Variants in GRAMD1B observed in about 807,000 individuals in gnomAD.
The protein encoded by GRAMD1B is GRAM domain containing 1B, also known as protein Aster-B.
GRAMD1B carries 37 observed loss-of-function variants against 99.7 expected under a neutral mutation model. That is an observed-to-expected ratio of 0.37 (90% CI 0.29 to 0.49). The LOEUF is 0.49. Among genes scored for constraint, GRAMD1B ranks in the 20% least tolerant of loss-of-function variants. GRAMD1B has a pLI of 0.98. For missense variants in GRAMD1B, 888 were observed against 1,009.2 expected (o/e 0.88, Z 1.63); for synonymous variants, 427 against 387.6 (o/e 1.10, Z -1.19).
At chr11:123,560,599 A>AT (rs1946634645) in intron 2 of GRAMD1B, 1 of 541,054 alleles carries the variant, frequency 1.8e-6, no homozygotes, top group South Asian at 1.5e-5. Flanking sequence ...GCATGAATGA[A>AT]TGAGTTCCTC....
chr11:123,614,284 C>T (rs1386453535), intron 16 of GRAMD1B, among the ~76,000 whole-genome samples: 1 of 152,186 alleles, frequency 6.6e-6, no homozygotes, highest in Admixed American at 6.5e-5. Flanking sequence ...CCTAGCTTTA[C>T]CCCTAGCACT....
At chr11:123,438,276 G>C (rs11823991) in intron 1 of GRAMD1B, among the ~76,000 whole-genome samples, 2,363 of 152,280 alleles carry the variant, frequency 0.016, 73 homozygotes, top group African/African-American at 0.053. Context: ...CAGAAGCAAG[G>C]CTGGGATTTG....
chr11:123,552,641 AGG>A (rs914160936), intron 2 of GRAMD1B, among the ~76,000 whole-genome samples: 1 of 152,210 alleles, frequency 6.6e-6, no homozygotes, highest in Admixed American at 6.5e-5. Flanking sequence ...ATCAAAGGAA[AGG>A]TAACATGGGA....
chr11:123,365,089 A>T (rs1445802230), intron 1 of GRAMD1B, among the ~76,000 whole-genome samples: 1 of 152,176 alleles, frequency 6.6e-6, no homozygotes, highest in Non-Finnish European at 1.5e-5. Context: ...TATTTTGCAT[A>T]AGGAATTATT....
intron 1 of GRAMD1B, among the ~76,000 whole-genome samples, chr11:123,368,684 A>AC (rs1946412317): frequency 6.8e-6 from 1 of 147,072 alleles, no homozygotes; most frequent in Middle Eastern, 3.2e-3. Context: ...TGTCTCAAAA[A>AC]AAAAAAAAAA....
At chr11:123,575,176 C>G (rs1948587474) in intron 2 of GRAMD1B, among the ~76,000 whole-genome samples, 1 of 152,072 alleles carries the variant, frequency 6.6e-6, no homozygotes, top group East Asian at 1.9e-4. Flanking sequence ...GTCAGTTCTC[C>G]TCTGGTTAGA....
chr11:123,555,192 G>C lies in GRAMD1B; in HGVS notation c.453-22175G>C, dbSNP rs780538246. 3.3e-5 allele frequency among the ~76,000 whole-genome samples: 5 copies of C among 152,330 alleles called. No homozygotes were observed. In the South Asian group the frequency reaches 6.2e-4, roughly 19 times the overall value. ...CAGGGAAAAGAAGGGTGGATTTGCA[G>C]CTGAGGGGCAATACATGGATACGTA... is the stretch of plus-strand genomic sequence containing the variant. On this transcript the variant is annotated intron_variant, in intron 2 of 19. Coordinates refer to ENST00000635736, the MANE Select transcript of GRAMD1B (RefSeq NM_001387025.1).
chr11:123,497,300 G>C (rs1337188648), intron 2 of GRAMD1B, among the ~76,000 whole-genome samples: 2 of 152,126 alleles, frequency 1.3e-5, no homozygotes, highest in African/African-American at 2.4e-5. Context: ...TAGCCTCCTG[G>C]AACTGAGAGT....
At chr11:123,616,188 G>A (rs1239952553) in intron 17 of GRAMD1B, among the ~76,000 whole-genome samples, 3 of 152,158 alleles carry the variant, frequency 2.0e-5, no homozygotes, top group Non-Finnish European at 4.4e-5. Flanking sequence ...CAGGCATGGT[G>A]GCAGGTGCCT....
At chr11:123,435,626 A>G in intron 1 of GRAMD1B, 1 of 558,458 alleles carries the variant, frequency 1.8e-6, no homozygotes, top group Non-Finnish European at 3.2e-6. Context: ...ACAGCACTGT[A>G]CCTGACCTCT....
Position 123,430,516 on chromosome 11 carries a change from G to C in GRAMD1B, c.-277G>C, listed in dbSNP as rs185104898. On this transcript the variant is annotated 5_prime_UTR_variant, in exon 1 of 20. Coordinates refer to ENST00000635736, the MANE Select transcript of GRAMD1B (RefSeq NM_001387025.1). ...CGAGGGGAGCCCCAGGAGGGCTGCCGAGTGGCTGGCAGGCGGCTCCCGCCC... is the reference window on the plus strand; with the variant it reads ...CGAGGGGAGCCCCAGGAGGGCTGCCCAGTGGCTGGCAGGCGGCTCCCGCCC... 2.1e-5 allele frequency: 9 copies of C among 431,752 alleles called. No individual in the cohort carries two copies. Among genetic ancestry groups the C allele is most frequent in the Non-Finnish European group, 3.3e-5 (8 of 244,746 alleles). The allele number at this position is 431,752 out of a possible 1,614,324, so 26.7% of individuals were successfully genotyped here.
chr11:123,608,818 AC>A lies in GRAMD1B; in HGVS notation c.1657+17del. On this transcript the variant is annotated intron_variant, in intron 12 of 19. Coordinates refer to ENST00000635736, the MANE Select transcript of GRAMD1B (RefSeq NM_001387025.1). ...CGCTTCTCTGGTCCGTTCTGCTGGGACTGTACCCCCCATTCCTCCCTCTTCA... is the reference window on the plus strand; with the variant it reads ...CGCTTCTCTGGTCCGTTCTGCTGGGATGTACCCCCCATTCCTCCCTCTTCA... 6.8e-7 allele frequency: 1 copy of A among 1,475,112 alleles called. No homozygotes were observed. Among genetic ancestry groups the A allele is most frequent in the Non-Finnish European group, 9.2e-7 (1 of 1,083,356 alleles). 91.4% of individuals were successfully genotyped at this position (1,475,112 alleles called of 1,614,324 possible). A position where few individuals can be genotyped will look rare whatever the true frequency, so the allele number is the denominator to read the frequency against.
intron 2 of GRAMD1B, among the ~76,000 whole-genome samples, chr11:123,574,424 G>T (rs952278819): frequency 6.6e-6 from 1 of 152,176 alleles, no homozygotes; most frequent in African/African-American, 2.4e-5. Flanking sequence ...AAGAGGAAAA[G>T]GAGGCAGAGA....
chr11:123,450,452 T>C (rs536536300), intron 1 of GRAMD1B, among the ~76,000 whole-genome samples: 281 of 152,298 alleles, frequency 1.8e-3, no homozygotes, highest in Non-Finnish European at 3.5e-3. Flanking sequence ...GGAATAATAG[T>C]GAACAAAATA....
chr11:123,404,489 T>C (rs1947785509), intron 1 of GRAMD1B, among the ~76,000 whole-genome samples: 1 of 152,264 alleles, frequency 6.6e-6, no homozygotes, highest in Non-Finnish European at 1.5e-5. Flanking sequence ...TGAAGGTAAC[T>C]GATCAATTGT....
chr11:123,619,477 G>A, intron 19 of GRAMD1B: 1 of 1,280,296 alleles, frequency 7.8e-7, no homozygotes, highest in Non-Finnish European at 1.0e-6. Flanking sequence ...TGTAGTTTAG[G>A]TGGAAGGAGA....
chr11:123,621,506 A>G (rs1013624117), intron 19 of GRAMD1B, among the ~76,000 whole-genome samples: 1 of 152,244 alleles, frequency 6.6e-6, no homozygotes, highest in African/African-American at 2.4e-5. Context: ...GAAACCAAGC[A>G]ACGAAAGATG....
At chr11:123,603,269 C>T (rs1216930782) in intron 8 of GRAMD1B, among the ~76,000 whole-genome samples, 157 bp from the exon 9 acceptor site, 1 of 152,206 alleles carries the variant, frequency 6.6e-6, no homozygotes, top group Non-Finnish European at 1.5e-5. Flanking sequence ...CCTGCTGAGA[C>T]CCCCAAGGCA....
chr11:123,619,276 C>G, intron 19 of GRAMD1B, 52 bp downstream of exon 19: 1 of 1,545,736 alleles, frequency 6.5e-7, no homozygotes, highest in Non-Finnish European at 8.7e-7. Context: ...GCGGGGACTC[C>G]TTCCCTTATG....
Sources: gnomAD v4.1 joint callset for allele counts (sites outside exome capture counted in the v4.1 genomes callset) on GRCh38, gnomAD v4.1.1 for gene constraint, MANE v1.5 for transcripts, NCBI Gene and HGNC (gene_info 2026-07-23, HGNC 2026-07-21) for gene names.